The following TENM2 variants were observed in gnomAD, a reference collection of about 807,000 sequenced individuals.
The protein encoded by TENM2 is teneurin transmembrane protein 2, also known as teneurin-2.
TENM2 carries 52 observed loss-of-function variants against 245.2 expected under a neutral mutation model. The observed-to-expected ratio is 0.21, with a 90% confidence interval of 0.17 to 0.27. The LOEUF is 0.27. Among genes scored for constraint, TENM2 ranks in the 10% least tolerant of loss-of-function variants. The pLI is 1.00. For synonymous variants in TENM2, 1,363 were observed against 1,438.9 expected (o/e 0.95, Z 1.19); for missense variants, 3,046 against 3,666.8 (o/e 0.83, Z 4.37).
chr5:167,699,529 G>A lies in TENM2; in HGVS notation c.503-176457G>A, dbSNP rs181110983. On this transcript the variant is annotated intron_variant, in intron 2 of 28. Coordinates refer to ENST00000518659, the Ensembl canonical transcript of TENM2. ...CAGATGAATCACCTTACTTTCAGCT[G>A]AAGCAGCTAAGGTTCTCAGAATAAG... 3.3e-5 allele frequency among the ~76,000 whole-genome samples: 5 copies of A among 152,270 alleles called. No individual in the cohort carries two copies. In the East Asian group the frequency reaches 9.7e-4, roughly 29 times the overall value.
chr5:167,121,741 T>G, the TENM2 span, among the ~76,000 whole-genome samples: 2 of 152,204 alleles, frequency 1.3e-5, no homozygotes, highest in African/African-American at 4.8e-5. Flanking sequence ...GGAAACTCCT[T>G]GATTATAACT....
chr5:168,025,326 G>C (rs1264770881), intron 5 of TENM2, among the ~76,000 whole-genome samples: 1 of 152,216 alleles, frequency 6.6e-6, no homozygotes, highest in Non-Finnish European at 1.5e-5. Flanking sequence ...TAAAAGAAAA[G>C]ATTCATTAAA....
Position 168,229,381 on chromosome 5 carries a change from A to C in TENM2, c.5520+1251A>C, listed in dbSNP as rs376013279. Among the ~76,000 whole-genome samples, 24 of 152,198 alleles carry C rather than the reference A, an allele frequency of 1.6e-4. No homozygotes were observed. The East Asian group carries it at 4.1e-3, about 26-fold the overall frequency. The stretch of plus-strand genomic sequence containing the variant: ...CTGCTCCAGTCACTTATCTGTCACC[A>C]AGAGGGAACAGTTCCTACCATCATG... On this transcript the variant is annotated intron_variant, in intron 25 of 28. Transcript: ENST00000518659.
the TENM2 span, among the ~76,000 whole-genome samples, chr5:167,141,543 G>A: frequency 4.6e-5 from 7 of 152,112 alleles, no homozygotes; most frequent in Non-Finnish European, 1.0e-4. Context: ...TTATATGCTG[G>A]TACAGACATA....
intron 12 of TENM2, among the ~76,000 whole-genome samples, chr5:168,145,055 A>G (rs907263442): frequency 6.6e-6 from 1 of 151,672 alleles, no homozygotes; most frequent in African/African-American, 2.4e-5. Context: ...AATTTGTTTG[A>G]GTTCACTGTA....
chr5:167,777,722 C>T (rs1033600481), intron 2 of TENM2, among the ~76,000 whole-genome samples: 12 of 152,058 alleles, frequency 7.9e-5, no homozygotes, highest in African/African-American at 2.9e-4. Context: ...ATGTTAAGTG[C>T]TTATATGTTA....
At chr5:168,033,093 T>C (rs1787280527) in intron 5 of TENM2, 1 of 152,258 alleles carries the variant, frequency 6.6e-6, no homozygotes, top group Non-Finnish European at 1.5e-5. Context: ...TTTTTCATAA[T>C]ATTCCTTCTT....
At chr5:167,437,629 A>T (rs1253209564) in intron 2 of TENM2, among the ~76,000 whole-genome samples, 2 of 152,152 alleles carry the variant, frequency 1.3e-5, no homozygotes, top group African/African-American at 4.8e-5. Context: ...CCCAAATCTC[A>T]TATGGAATTG....
At chr5:167,267,373 C>G in the TENM2 span, among the ~76,000 whole-genome samples, 1 of 152,030 alleles carries the variant, frequency 6.6e-6, no homozygotes, top group Admixed American at 6.6e-5. Flanking sequence ...TATTCTTTGC[C>G]CCACAAGAGT....
the TENM2 span, among the ~76,000 whole-genome samples, chr5:167,193,200 A>G: frequency 6.6e-6 from 1 of 152,036 alleles, no homozygotes; most frequent in Admixed American, 6.6e-5. Flanking sequence ...AAACCCATTA[A>G]GACTTGTACA....
chr5:168,263,025 G>C (rs145959151), downstream of TENM2: 27 of 514,014 alleles, frequency 5.3e-5, no homozygotes, highest in East Asian at 7.9e-4. Context: ...TGAAAATTCC[G>C]AGGAAAACAA....
intron 17 of TENM2, among the ~76,000 whole-genome samples, chr5:168,201,990 A>AT (rs1347700276): frequency 3.3e-5 from 5 of 151,966 alleles, no homozygotes; most frequent in African/African-American, 7.3e-5. Context: ...TGATTTTTTG[A>AT]TTTTTTGTTT....
rs1759321624 is a variant in TENM2, at chr5:167,356,217, A to AAAAAAAAAAAGAAAAATT, written c.227-18977_227-18976insAAAAAAGAAAAATTAAAA. On this transcript the variant is annotated intron_variant, in intron 1 of 28. Transcript: ENST00000518659. ...AAAAAAAAAAAAAAAAAAAAAAAAA[A>AAAAAAAAAAAGAAAAATT]AAAATTAAAATTAAAAAAAAGGCAG... is the stretch of plus-strand genomic sequence containing the variant. Among the ~76,000 whole-genome samples, 213 of 129,072 alleles carry AAAAAAAAAAAGAAAAATT rather than the reference A, an allele frequency of 1.7e-3. 2 individuals carry two copies. The highest frequency in any genetic ancestry group is 6.5e-3 in the African/African-American group (203 of 31,156). The allele number at this position is 129,072 out of a possible 152,430, so 84.7% of individuals were successfully genotyped here.
intron 12 of TENM2, chr5:168,149,282 C>G: frequency 2.3e-6 from 1 of 444,164 alleles, no homozygotes; most frequent in Non-Finnish European, 4.5e-6. Context: ...CCCTGTCACC[C>G]TTTCCCTTCA....
chr5:168,005,723 G>T (rs1784772194), intron 5 of TENM2, among the ~76,000 whole-genome samples: 1 of 152,160 alleles, frequency 6.6e-6, no homozygotes. Context: ...ATGAATTGCA[G>T]AAACATAGAA....
intron 12 of TENM2, among the ~76,000 whole-genome samples, chr5:168,134,081 G>A (rs1754822811): frequency 2.0e-5 from 3 of 152,130 alleles, no homozygotes; most frequent in Non-Finnish European, 4.4e-5. Flanking sequence ...CTCGAACCCA[G>A]GAGGTGGAGG....
At chr5:168,085,987 C>T (rs188603708) in intron 7 of TENM2, among the ~76,000 whole-genome samples, 1,999 of 152,322 alleles carry the variant, frequency 0.013, 30 homozygotes, top group Non-Finnish European at 0.017. Context: ...TATTGCTTTT[C>T]CCATTCGTGT....
At chr5:168,060,509 T>G (rs2152089655) in intron 6 of TENM2, among the ~76,000 whole-genome samples, 1 of 152,338 alleles carries the variant, frequency 6.6e-6, no homozygotes, top group East Asian at 1.9e-4. Flanking sequence ...GACTTCTGGC[T>G]GTTTATTTTA....
the TENM2 span, among the ~76,000 whole-genome samples, chr5:166,996,959 T>C: frequency 2.0e-5 from 3 of 152,218 alleles, no homozygotes; most frequent in African/African-American, 4.8e-5. Flanking sequence ...CTCACTGATT[T>C]GTTTTATATC....
Sources: allele counts gnomAD v4.1 joint callset (sites outside exome capture counted in the v4.1 genomes callset), GRCh38; gene constraint gnomAD v4.1.1; transcripts MANE v1.5; gene names NCBI Gene and HGNC (gene_info 2026-07-23, HGNC 2026-07-21).